TNNT1: variants seen among roughly 807,000 people sequenced by gnomAD.
TNNT1 encodes the protein troponin T1, slow skeletal type.
TNNT1 carries 53 observed loss-of-function variants against 50.6 expected under a neutral mutation model. The ratio of observed to expected loss-of-function variants is 1.05; its 90% CI spans 0.84 to 1.32. The LOEUF is 1.32. Ranked by LOEUF, TNNT1 falls within the 40% of genes most tolerant of loss-of-function variation. The pLI, the probability that TNNT1 is intolerant of heterozygous loss-of-function variation, is 0.00. For missense variants in TNNT1, 348 were observed against 381.7 expected, an observed-to-expected ratio of 0.91 and a Z score of 0.74; for synonymous variants, 142 against 138.0, an observed-to-expected ratio of 1.03 and a Z score of -0.20.
intron 5 of TNNT1, among the ~76,000 whole-genome samples, chr19:55,146,038 G>A (rs1487433878): frequency 7.1e-6 from 1 of 141,536 alleles, no homozygotes; most frequent in Non-Finnish European, 1.5e-5. Flanking sequence ...CCCAGCGCTC[G>A]CCTCCTCTGC....
intron 10 of TNNT1, among the ~76,000 whole-genome samples, 186 bp from the exon 11 acceptor site, chr19:55,137,398 G>A (rs1190271275): frequency 2.7e-5 from 4 of 148,348 alleles, no homozygotes; most frequent in African/African-American, 1.0e-4. Context: ...TTCAGGAGGA[G>A]TCCAGACCCC....
intron 4 of TNNT1, 63 bp downstream of exon 4, chr19:55,146,618 C>T: frequency 8.0e-7 from 1 of 1,245,150 alleles, no homozygotes; most frequent in East Asian, 2.7e-5. Flanking sequence ...CCCCCTCCTC[C>T]CGGGCCCAGC....
At chr19:55,137,548 C>T (rs1185436041) in intron 10 of TNNT1, among the ~76,000 whole-genome samples, 5 of 146,544 alleles carry the variant, frequency 3.4e-5, no homozygotes, top group Non-Finnish European at 6.1e-5. Flanking sequence ...TTGCAGGCCC[C>T]GAGCCCCTCC....
chr19:55,135,397 C>T (rs200857787), intron 11 of TNNT1: 1 of 225,776 alleles, frequency 4.4e-6, no homozygotes, highest in Non-Finnish European at 8.9e-6. Context: ...TCCTTCCTTC[C>T]TTCTTTTCTT....
At chr19:55,147,279 C>T in intron 1 of TNNT1, 111 bp from the exon 2 acceptor site, 1 of 967,934 alleles carries the variant, frequency 1.0e-6, no homozygotes, top group Non-Finnish European at 1.6e-6. Context: ...TGGGTCTGGA[C>T]TCCTGGGTGT....
At chr19:55,137,260 G>T in intron 10 of TNNT1, 48 bp from the exon 11 acceptor site, 1 of 1,360,924 alleles carries the variant, frequency 7.3e-7, no homozygotes, top group Non-Finnish European at 1.1e-6. Context: ...ACATCCCACA[G>T]AGCACTGCCG....
chr19:55,133,588 G>C, intron 13 of TNNT1: 1 of 487,130 alleles, frequency 2.1e-6, no homozygotes. Context: ...TGAGGCAGGA[G>C]AATCGCTTGA....
intron 6 of TNNT1, among the ~76,000 whole-genome samples, chr19:55,143,568 C>A (rs1245438737): frequency 6.6e-6 from 1 of 152,080 alleles, no homozygotes; most frequent in African/African-American, 2.4e-5. Context: ...TCATCTCCAT[C>A]TTGGAAAAGT....
chr19:55,145,466 C>T (rs1396996905), intron 6 of TNNT1, 78 bp downstream of exon 6: 1 of 1,462,784 alleles, frequency 6.8e-7, no homozygotes, highest in Non-Finnish European at 9.5e-7. Flanking sequence ...CTCTGCCTTT[C>T]TCACACCTTG....
intron 11 of TNNT1, among the ~76,000 whole-genome samples, chr19:55,135,034 G>C (rs1402575768): frequency 6.6e-6 from 1 of 152,160 alleles, no homozygotes; most frequent in African/African-American, 2.4e-5. Flanking sequence ...ATGGCTGCTT[G>C]CCTACCTGTT....
chr19:55,144,266 C>T (rs898156077), intron 6 of TNNT1, among the ~76,000 whole-genome samples: 12 of 152,090 alleles, frequency 7.9e-5, no homozygotes, highest in Admixed American at 7.9e-4. Context: ...GACAGAGTTT[C>T]ACCATGTTGA....
chr19:55,141,157 AC>A, intron 8 of TNNT1, 28 bp downstream of exon 8: 2 of 1,586,488 alleles, frequency 1.3e-6, no homozygotes, highest in Non-Finnish European at 8.7e-7. Context: ...AGGGAGGAAG[AC>A]CGGGGGGAAC....
intron 4 of TNNT1, 107 bp downstream of exon 4, chr19:55,146,574 A>G (rs1468219143): frequency 4.2e-6 from 5 of 1,186,666 alleles, no homozygotes; most frequent in Non-Finnish European, 5.7e-6. Flanking sequence ...CTGTTAGAGG[A>G]CCGGGAGCCG....
In TNNT1 at chr19:55,146,674, ACCTCACCTT is replaced by A; in HGVS notation, c.71_73+6del. ...CAGCTCCAGACCTGCGGAGTCCGGG[ACCTCACCTT>A]CCTCCTCCTCCTCCGCAGCCTCCTC... On this transcript the variant is annotated splice_donor_variant and splice_donor_5th_base_variant and coding_sequence_variant and intron_variant, in exon 4 of 14. Coordinates refer to ENST00000588981, the MANE Select transcript of TNNT1 (RefSeq NM_003283.6). LOFTEE classifies it high-confidence loss of function. 7.6e-7 allele frequency: 1 copy of A among 1,313,910 alleles called. No homozygotes were observed. Among genetic ancestry groups the A allele is most frequent in the Non-Finnish European group, 1.0e-6 (1 of 988,914 alleles). 81.4% of individuals were successfully genotyped at this position (1,313,910 alleles called of 1,614,324 possible).
intron 6 of TNNT1, among the ~76,000 whole-genome samples, chr19:55,144,803 T>G (rs937169232): frequency 6.6e-6 from 1 of 152,216 alleles, no homozygotes; most frequent in Non-Finnish European, 1.5e-5. Flanking sequence ...GGCTAGTTGC[T>G]TTGACTGCGT....
intron 1 of TNNT1, among the ~76,000 whole-genome samples, chr19:55,148,308 C>A (rs2085618259): frequency 6.6e-6 from 1 of 152,108 alleles, no homozygotes; most frequent in East Asian, 1.9e-4. Flanking sequence ...TGGTTTCCTC[C>A]CCACCTGTCT....
At chr19:55,133,502 A>AC (rs2085284934) in intron 13 of TNNT1, 6 of 333,092 alleles carry the variant, frequency 1.8e-5, no homozygotes, top group African/African-American at 4.3e-5. Context: ...ACATGGTGAA[A>AC]CCCCGTCTCT....
Position 55,132,770 on chromosome 19 carries a change from T to G in TNNT1, c.*145A>C. ...CAAGTAACTTGTTGGTAATAAGAAG[T>G]CAATTAACCAGGAGAGACCAGCTGC... On this transcript the variant is annotated 3_prime_UTR_variant, in exon 14 of 14. Transcript: ENST00000588981. 1.3e-6 allele frequency: 1 copy of G among 754,070 alleles called. No homozygotes were observed. The highest frequency in any genetic ancestry group is 2.3e-6 in the Non-Finnish European group (1 of 437,882). 46.7% of individuals were successfully genotyped at this position (754,070 alleles called of 1,614,324 possible).
intron 5 of TNNT1, 123 bp downstream of exon 5, chr19:55,146,311 C>A: frequency 1.7e-6 from 1 of 601,280 alleles, no homozygotes; most frequent in South Asian, 3.8e-5. Context: ...AAGGACCGGG[C>A]CTGGGGGCGG....
Sources: allele counts gnomAD v4.1 joint callset (sites outside exome capture counted in the v4.1 genomes callset), GRCh38; gene constraint gnomAD v4.1.1; transcripts MANE v1.5; gene names NCBI Gene and HGNC (gene_info 2026-07-23, HGNC 2026-07-21).